Variants in SIPA1L1 observed in about 807,000 individuals in gnomAD.
SIPA1L1 encodes signal-induced proliferation-associated 1-like protein 1.
A neutral mutation model predicts 162.7 loss-of-function variants in SIPA1L1; 26 were observed. The observed-to-expected ratio is 0.16, with a 90% CI of 0.12 to 0.22. SIPA1L1 has a LOEUF of 0.22. Ranked by LOEUF, SIPA1L1 falls within the 10% of genes least tolerant of loss-of-function variation. SIPA1L1 has a pLI of 1.00. For missense variants in SIPA1L1, 1,874 were observed against 2,241.0 expected, an observed-to-expected ratio of 0.84 and a Z score of 3.31; for synonymous variants, 829 against 837.4, an observed-to-expected ratio of 0.99 and a Z score of 0.17.
intron 2 of SIPA1L1, among the ~76,000 whole-genome samples, chr14:71,500,525 A>G (rs1281858727): frequency 6.6e-6 from 1 of 152,238 alleles, no homozygotes; most frequent in African/African-American, 2.4e-5. Context: ...GTGGAAGTAT[A>G]AATTGCAACT....
chr14:71,478,131 A>G (rs1213078223), intron 2 of SIPA1L1, among the ~76,000 whole-genome samples: 2 of 152,134 alleles, frequency 1.3e-5, no homozygotes, highest in East Asian at 3.9e-4. Flanking sequence ...GAGGTTGAAC[A>G]TTTTTTCATA....
At chr14:71,732,089 T>A (rs1033960896) in intron 20 of SIPA1L1, among the ~76,000 whole-genome samples, 11 of 152,212 alleles carry the variant, frequency 7.2e-5, no homozygotes, top group African/African-American at 2.7e-4. Context: ...AACTGAACAT[T>A]TAATATCTTG....
At chr14:71,452,297 T>A (rs2045888882) in intron 2 of SIPA1L1, among the ~76,000 whole-genome samples, 1 of 152,138 alleles carries the variant, frequency 6.6e-6, no homozygotes, top group Non-Finnish European at 1.5e-5. Context: ...TGAAATAATA[T>A]AATATGTACT....
At chr14:71,721,562 G>A (rs2083737641) in intron 17 of SIPA1L1, among the ~76,000 whole-genome samples, 2 of 152,182 alleles carry the variant, frequency 1.3e-5, no homozygotes, top group South Asian at 4.1e-4. Flanking sequence ...GGTCTGGAAC[G>A]CCACTCAGGA....
intron 5 of SIPA1L1, among the ~76,000 whole-genome samples, chr14:71,608,211 G>A (rs1383416735): frequency 1.3e-5 from 2 of 152,212 alleles, no homozygotes; most frequent in Non-Finnish European, 2.9e-5. Flanking sequence ...TGAACATTTA[G>A]TCAACAAAGA....
intron 2 of SIPA1L1, among the ~76,000 whole-genome samples, chr14:71,348,419 G>T (rs1248845946): frequency 6.6e-6 from 1 of 152,102 alleles, no homozygotes; most frequent in Non-Finnish European, 1.5e-5. Flanking sequence ...ATTTATCCAT[G>T]TATTTCCTGT....
At chr14:71,665,844 A>T (rs2043952922) in intron 10 of SIPA1L1, among the ~76,000 whole-genome samples, 1 of 152,200 alleles carries the variant, frequency 6.6e-6, no homozygotes, top group Non-Finnish European at 1.5e-5. Flanking sequence ...GTAATATATT[A>T]ACAGTAATTA....
intron 2 of SIPA1L1, among the ~76,000 whole-genome samples, chr14:71,511,917 C>T (rs2051185310): frequency 6.6e-6 from 1 of 152,192 alleles, no homozygotes; most frequent in East Asian, 1.9e-4. Flanking sequence ...TGCTGTGCCC[C>T]GAGAGGGCTT....
At chr14:71,556,506 A>C (rs946851078) in intron 4 of SIPA1L1, among the ~76,000 whole-genome samples, 1 of 152,192 alleles carries the variant, frequency 6.6e-6, no homozygotes, top group Non-Finnish European at 1.5e-5. Context: ...TGACTGACCA[A>C]CTTTAAGTTG....
At chr14:71,702,596 G>A in intron 15 of SIPA1L1, 91 bp downstream of exon 15, 2 of 1,136,086 alleles carry the variant, frequency 1.8e-6, no homozygotes, top group East Asian at 2.6e-5. Flanking sequence ...TGTTATAAAA[G>A]GTAGCCCTAG....
At chr14:71,465,023 A>C (rs1402397423) in intron 2 of SIPA1L1, among the ~76,000 whole-genome samples, 2 of 152,180 alleles carry the variant, frequency 1.3e-5, no homozygotes, top group Non-Finnish European at 2.9e-5. Context: ...TTATCTCCTC[A>C]GACAAGGGTG....
rs138353562 is a variant in SIPA1L1, at chr14:71,674,886, C to T, written c.3104+2264C>T. On this transcript the variant is annotated intron_variant, in intron 12 of 23. Transcript: ENST00000381232. ...GCCGCATTCCTGTTTTAAAAGAAAC[C>T]GGGACTCAAAGGTTAGTAACTTGCT... Among the ~76,000 whole-genome samples the T allele has an allele frequency of 4.6e-3, 701 of 152,168 alleles. 4 individuals are homozygous for T. The highest frequency in any genetic ancestry group is 6.9e-3 in the Admixed American group (105 of 15,274).
chr14:71,669,805 C>G (rs1262813861), intron 10 of SIPA1L1, among the ~76,000 whole-genome samples: 1 of 152,184 alleles, frequency 6.6e-6, no homozygotes, highest in African/African-American at 2.4e-5. Flanking sequence ...TAGGCCATCC[C>G]ATGGCATCTT....
intron 5 of SIPA1L1, among the ~76,000 whole-genome samples, chr14:71,595,673 G>A (rs2035947995): frequency 6.6e-6 from 1 of 152,178 alleles, no homozygotes; most frequent in South Asian, 2.1e-4. Flanking sequence ...CTCACCAGCT[G>A]TTAATCTGCC....
chr14:71,647,538 T>G (rs2042270016), intron 7 of SIPA1L1, among the ~76,000 whole-genome samples: 1 of 152,058 alleles, frequency 6.6e-6, no homozygotes, highest in Non-Finnish European at 1.5e-5. Flanking sequence ...TGAGTTTTGT[T>G]TTACCCTGTT....
Position 71,589,312 on chromosome 14 carries a change from C to T in SIPA1L1, c.1440C>T (p.Tyr480=), listed in dbSNP as rs756554530. ...LVLHLDRVKR[Y]IVEHVDLGAY... ...TGCACCTAGATAGAGTGAAAAGATA[C>T]ATCGTGGAACACGTAGATCTGGGTG... Residue 480 remains tyrosine (Y), a synonymous_variant, in exon 5 of 24, where the codon TAC becomes TAT. Coordinates refer to ENST00000381232, the MANE Select transcript of SIPA1L1 (RefSeq NM_001386936.1). The T allele has an allele frequency of 5.0e-6, 8 of 1,613,804 alleles. No homozygotes were observed. In the African/African-American group the frequency reaches 9.3e-5, roughly 19 times the overall value.
chr14:71,698,102 G>A (rs1238040971), intron 13 of SIPA1L1, among the ~76,000 whole-genome samples: 2 of 152,202 alleles, frequency 1.3e-5, no homozygotes, highest in Non-Finnish European at 2.9e-5. Context: ...GCTACAAGTA[G>A]TCGAGTGATT....
chr14:71,527,361 GAATTTTTTTTATTTTTT>G (rs2052988498), intron 3 of SIPA1L1, among the ~76,000 whole-genome samples: 1 of 151,742 alleles, frequency 6.6e-6, no homozygotes, highest in South Asian at 2.1e-4. Flanking sequence ...GGAAGATGTT[GAATTTTTTTTATTTTTT>G]AATTTTTTTG....
At chr14:71,519,544 G>A (rs1348277593) in intron 3 of SIPA1L1, among the ~76,000 whole-genome samples, 1 of 151,872 alleles carries the variant, frequency 6.6e-6, no homozygotes, top group Non-Finnish European at 1.5e-5. Flanking sequence ...GGAAATGATT[G>A]CCAGATACAG....
Sources: gnomAD v4.1 joint callset for allele counts (sites outside exome capture counted in the v4.1 genomes callset) on GRCh38, gnomAD v4.1.1 for gene constraint, MANE v1.5 for transcripts, NCBI Gene and HGNC (gene_info 2026-07-23, HGNC 2026-07-21) for gene names.